The following OPCML variants were observed in gnomAD, a reference collection of about 807,000 sequenced individuals.
OPCML encodes opioid binding protein/cell adhesion molecule like, also known as opioid-binding protein/cell adhesion molecule.
Under a neutral mutation model 37.8 loss-of-function variants are expected in OPCML, and 13 were observed. That is an observed-to-expected ratio of 0.34 (90% CI 0.22 to 0.55). OPCML has a LOEUF of 0.55. Ranked by LOEUF, OPCML falls within the 20% of genes least tolerant of loss-of-function variation. The probability of loss-of-function intolerance (pLI) is 0.91; values close to 1 mark genes in which losing one functional copy is unlikely to be tolerated. For synonymous variants in OPCML, 176 were observed against 168.8 expected, an observed-to-expected ratio of 1.04 and a Z score of -0.33; for missense variants, 341 against 435.6, an observed-to-expected ratio of 0.78 and a Z score of 1.93.
chr11:133,145,984 C>T (rs1949891595), intron 1 of OPCML, among the ~76,000 whole-genome samples: 1 of 152,182 alleles, frequency 6.6e-6, no homozygotes, highest in Non-Finnish European at 1.5e-5. Flanking sequence ...ACATTTCTAA[C>T]AATGGTAGCC....
intron 1 of OPCML, chr11:133,299,214 A>C (rs1363630042): frequency 6.6e-6 from 1 of 152,224 alleles, no homozygotes; most frequent in Non-Finnish European, 1.5e-5. Flanking sequence ...GTAACACTCC[A>C]TGAAACTTAA....
At chr11:132,437,993 G>A (rs1223570431) in intron 4 of OPCML, among the ~76,000 whole-genome samples, 5 of 152,216 alleles carry the variant, frequency 3.3e-5, no homozygotes, top group Non-Finnish European at 7.3e-5. Flanking sequence ...CAACACAAAT[G>A]TGATAGCCCC....
At chr11:133,301,655 G>A (rs1942780633) in intron 1 of OPCML, 1 of 152,108 alleles carries the variant, frequency 6.6e-6, no homozygotes, top group South Asian at 2.1e-4. Flanking sequence ...GGGGGAAACT[G>A]GAAGTCTCAC....
intron 1 of OPCML, among the ~76,000 whole-genome samples, chr11:133,096,514 G>C (rs892531180): frequency 6.6e-6 from 1 of 151,950 alleles, no homozygotes; most frequent in African/African-American, 2.4e-5. Context: ...GTGACACATA[G>C]AGTACATGTT....
chr11:132,466,352 C>G (rs551166040), intron 4 of OPCML, among the ~76,000 whole-genome samples: 1 of 149,900 alleles, frequency 6.7e-6, no homozygotes, highest in Non-Finnish European at 1.5e-5. Context: ...GGTGTGGTGG[C>G]GGGCGCCTGT....
At chr11:133,220,981 G>T (rs543356229) in intron 1 of OPCML, among the ~76,000 whole-genome samples, 4 of 152,284 alleles carry the variant, frequency 2.6e-5, no homozygotes, top group African/African-American at 9.6e-5. Context: ...TCCATTTTTT[G>T]TCGGAAATGA....
intron 2 of OPCML, among the ~76,000 whole-genome samples, chr11:132,739,648 G>C (rs1424138491): frequency 2.0e-5 from 3 of 152,144 alleles, no homozygotes; most frequent in African/African-American, 7.2e-5. Flanking sequence ...TGTATGTTGG[G>C]GTGGAGGCAA....
chr11:133,207,321 A>C (rs954266380), intron 1 of OPCML, among the ~76,000 whole-genome samples: 8 of 151,954 alleles, frequency 5.3e-5, no homozygotes, highest in Admixed American at 5.2e-4. Context: ...ACAAACAAAC[A>C]AAAAAGAGAA....
chr11:133,178,242 G>A (rs1206552782), intron 1 of OPCML, among the ~76,000 whole-genome samples: 2 of 151,978 alleles, frequency 1.3e-5, no homozygotes, highest in African/African-American at 2.4e-5. Context: ...TTGGAAGCAC[G>A]GCCTCTCTGC....
At chr11:132,622,666 G>A (rs1169654041) in intron 3 of OPCML, among the ~76,000 whole-genome samples, 1 of 152,164 alleles carries the variant, frequency 6.6e-6, no homozygotes, top group African/African-American at 2.4e-5. Flanking sequence ...AGGACCAGGA[G>A]ACAATGGCAG....
intron 3 of OPCML, among the ~76,000 whole-genome samples, chr11:132,582,105 T>A (rs2096463237): frequency 2.1e-4 from 1 of 4,682 alleles, no homozygotes; most frequent in South Asian, 5.3e-3. Context: ...ACACATACTT[T>A]GTGTGTGTGT....
At chr11:132,977,803 C>T (rs1046892901) in intron 1 of OPCML, among the ~76,000 whole-genome samples, 3 of 152,156 alleles carry the variant, frequency 2.0e-5, no homozygotes, top group Non-Finnish European at 4.4e-5. Flanking sequence ...CTCTACACTG[C>T]TTAATGCTAT....
chr11:133,156,079 A>T (rs1950058364), intron 1 of OPCML, among the ~76,000 whole-genome samples: 1 of 152,202 alleles, frequency 6.6e-6, no homozygotes, highest in South Asian at 2.1e-4. Context: ...TCTTTATGAA[A>T]GGCTAATCAG....
chr11:133,043,324 G>A (rs572014778), intron 1 of OPCML, among the ~76,000 whole-genome samples: 2 of 152,272 alleles, frequency 1.3e-5, no homozygotes, highest in Admixed American at 1.3e-4. Flanking sequence ...GGGCACATAT[G>A]AAACCCCACC....
At chr11:133,329,091 A>C (rs1159697791) in intron 1 of OPCML, among the ~76,000 whole-genome samples, 1 of 152,214 alleles carries the variant, frequency 6.6e-6, no homozygotes, top group Non-Finnish European at 1.5e-5. Flanking sequence ...CAATTGCTTC[A>C]AAGAGAATAA....
intron 2 of OPCML, among the ~76,000 whole-genome samples, chr11:132,924,955 T>C (rs1170269159): frequency 2.0e-5 from 3 of 152,234 alleles, no homozygotes; most frequent in African/African-American, 4.8e-5. Context: ...TCTGTTCTGT[T>C]TTCTTAAGTC....
At chr11:132,478,681 C>T (rs1242486658) in intron 4 of OPCML, among the ~76,000 whole-genome samples, 3 of 152,160 alleles carry the variant, frequency 2.0e-5, no homozygotes, top group African/African-American at 7.2e-5. Flanking sequence ...TAACTGTTGT[C>T]TTTATCATCA....
intron 2 of OPCML, among the ~76,000 whole-genome samples, chr11:132,905,805 G>T (rs189083023): frequency 1.3e-5 from 2 of 151,918 alleles, no homozygotes; most frequent in African/African-American, 4.8e-5. Context: ...ATGTTTCTAC[G>T]CCTCTGTATA....
intron 1 of OPCML, chr11:133,006,598 C>T: frequency 2.0e-6 from 2 of 985,436 alleles, no homozygotes; most frequent in Non-Finnish European, 2.4e-6. Context: ...AAGTCGCTGG[C>T]CGAACCATGC....
Sources: gnomAD v4.1 joint callset for allele counts (sites outside exome capture counted in the v4.1 genomes callset) on GRCh38, gnomAD v4.1.1 for gene constraint, MANE v1.5 for transcripts, NCBI Gene and HGNC (gene_info 2026-07-23, HGNC 2026-07-21) for gene names.